The following SLC37A2 variants were observed in gnomAD, a reference collection of about 807,000 sequenced individuals.
The protein encoded by SLC37A2 is glucose-6-phosphate exchanger SLC37A2.
Under a neutral mutation model 70.7 loss-of-function variants are expected in SLC37A2, and 59 were observed. The ratio of observed to expected loss-of-function variants is 0.83; its 90% CI spans 0.68 to 1.04. The LOEUF (loss-of-function observed/expected upper bound fraction) is 1.04, where lower values mean the gene tolerates loss of function less well. Ranked by LOEUF, SLC37A2 falls within the 50% of genes least tolerant of loss-of-function variation. The pLI is 0.00. For missense variants in SLC37A2, 580 were observed against 658.1 expected (o/e 0.88, Z 1.30); for synonymous variants, 257 against 262.1 (o/e 0.98, Z 0.19).
rs777548440 is a variant in SLC37A2, at chr11:125,063,329, C to G, written c.-39C>G. ...CGGGACACGCGCCCAGCTCTGTAGCCTCCTCCGTCGACTCAGCCTTAGGTA... is the reference window on the plus strand; with the variant it reads ...CGGGACACGCGCCCAGCTCTGTAGCGTCCTCCGTCGACTCAGCCTTAGGTA... On this transcript the variant is annotated 5_prime_UTR_variant, in exon 1 of 18. Coordinates refer to ENST00000403796, the MANE Select transcript of SLC37A2 (RefSeq NM_001145290.2). The surrounding 1 kb of genome is among the most constrained non-coding windows in gnomAD (Gnocchi z 5.4). 1.4e-6 allele frequency: 2 copies of G among 1,460,630 alleles called. No homozygotes were observed. Among genetic ancestry groups the G allele is most frequent in the South Asian group, 1.2e-5 (1 of 85,492 alleles). 90.5% of individuals were successfully genotyped at this position (1,460,630 alleles called of 1,614,324 possible). A position where few individuals can be genotyped will look rare whatever the true frequency, so the allele number is the denominator to read the frequency against.
At chr11:125,068,633 A>G (rs1949002814) in intron 1 of SLC37A2, among the ~76,000 whole-genome samples, 1 of 152,210 alleles carries the variant, frequency 6.6e-6, no homozygotes, top group South Asian at 2.1e-4. Context: ...GGAGATTTTG[A>G]AGAAAACTGA....
At chr11:125,076,480 A>G (rs1465253052) in intron 1 of SLC37A2, among the ~76,000 whole-genome samples, 1 of 152,206 alleles carries the variant, frequency 6.6e-6, no homozygotes, top group Admixed American at 6.5e-5. Context: ...AGGTGCTGCC[A>G]GCTGGTCAGA....
rs755079223 is a variant in SLC37A2 at position 125,081,407 on chromosome 11, A to AT, written c.695-5dup. ...GGGTTGGGAAACTTCTTAGAAAGCG[A>AT]TTTTTTTTTCTAGACCCAGAAGATG... On this transcript the variant is annotated splice_polypyrimidine_tract_variant and intron_variant, in intron 7 of 17. Coordinates refer to ENST00000403796, the MANE Select transcript of SLC37A2 (RefSeq NM_001145290.2). 413 of 1,576,204 alleles carry AT rather than the reference A, an allele frequency of 2.6e-4. No individual in the cohort carries two copies. Among genetic ancestry groups the AT allele is most frequent in the Admixed American group, 6.1e-4 (35 of 57,438 alleles).
rs1949210986 is a variant in SLC37A2, at chr11:125,086,030, G to C, written c.1490+12G>C. Reference sequence around the variant, plus strand: ...AGCAGAGGCAGCGGGTGAGTCCGGGGAGCTGAAGCTGCCCCTCTACCAACC... The same window carrying C: ...AGCAGAGGCAGCGGGTGAGTCCGGGCAGCTGAAGCTGCCCCTCTACCAACC... On this transcript the variant is annotated intron_variant, in intron 17 of 17. Transcript: ENST00000403796. 6.2e-7 allele frequency: 1 copy of C among 1,612,036 alleles called. No homozygotes were observed. The highest frequency in any genetic ancestry group is 2.2e-5 in the East Asian group (1 of 44,854).
At chr11:125,078,248 G>A (rs1464699926) in intron 4 of SLC37A2, among the ~76,000 whole-genome samples, 1 of 152,246 alleles carries the variant, frequency 6.6e-6, no homozygotes, top group African/African-American at 2.4e-5. Context: ...GAATGACAGT[G>A]TAAGGAAGGT....
chr11:125,071,089 C>G (rs776779810), intron 1 of SLC37A2, among the ~76,000 whole-genome samples: 39 of 152,286 alleles, frequency 2.6e-4, no homozygotes, highest in Admixed American at 8.5e-4. Context: ...CCCTGAAGCC[C>G]AGGACCTCCT....
chr11:125,075,238 A>T (rs898739100), intron 1 of SLC37A2, among the ~76,000 whole-genome samples: 3 of 152,240 alleles, frequency 2.0e-5, no homozygotes, highest in African/African-American at 7.2e-5. Flanking sequence ...GCAGAAGGCC[A>T]GCTGGGCACC....
Position 125,083,466 on chromosome 11 carries a change from A to T in SLC37A2, c.977-349A>T. The T allele has an allele frequency of 4.0e-6, 1 of 247,190 alleles. No homozygotes were observed. Among genetic ancestry groups the T allele is most frequent in the Non-Finnish European group, 7.9e-6 (1 of 125,876 alleles). The allele number at this position is 247,190 out of a possible 1,614,324, so 15.3% of individuals were successfully genotyped here. Reference sequence around the variant, plus strand: ...CCTAGTGCTGCTAGGGCCGGAGTGAAGCAGAGAAAGGGCTGGGCTGAGCTT... The same window carrying T: ...CCTAGTGCTGCTAGGGCCGGAGTGATGCAGAGAAAGGGCTGGGCTGAGCTT... On this transcript the variant is annotated intron_variant, in intron 10 of 17. Coordinates refer to ENST00000403796, the MANE Select transcript of SLC37A2 (RefSeq NM_001145290.2). This position sits in a 1 kb window ranked among gnomAD's most constrained non-coding sequence, Gnocchi z 4.6.
rs1949261800 is a variant in SLC37A2, at chr11:125,089,579, CTG to C, written c.*1446_*1447del. Reference sequence around the variant, plus strand: ...CCGGGTGGGCATGGGCTTGGCGGGCCTGCACTCGGAGCAGCCGGCCGGCCCTT... The same window carrying C: ...CCGGGTGGGCATGGGCTTGGCGGGCCCACTCGGAGCAGCCGGCCGGCCCTT... On this transcript the variant is annotated 3_prime_UTR_variant, in exon 18 of 18. Transcript: ENST00000403796. The C allele has an allele frequency of 1.3e-5, 2 of 153,088 alleles. No individual in the cohort carries two copies. The highest frequency in any genetic ancestry group is 2.9e-5 in the Non-Finnish European group (2 of 68,760). 9.5% of individuals were successfully genotyped at this position (153,088 alleles called of 1,614,324 possible).
rs1308404716 is a variant in SLC37A2, at chr11:125,090,466, C to T, written c.*2332C>T. On this transcript the variant is annotated 3_prime_UTR_variant, in exon 18 of 18. Coordinates refer to ENST00000403796, the MANE Select transcript of SLC37A2 (RefSeq NM_001145290.2). The stretch of plus-strand genomic sequence containing the variant: ...AGCATTGGCAACTCGCTCGGGTCCC[C>T]TTCCACGCTGTGGGAGCTTTGTTCT... Among the ~76,000 whole-genome samples, 1 of 152,190 alleles carries T rather than the reference C, an allele frequency of 6.6e-6. No individual in the cohort carries two copies. The highest frequency in any genetic ancestry group is 1.5e-5 in the Non-Finnish European group (1 of 68,038).
intron 17 of SLC37A2, 198 bp from the exon 18 acceptor site, chr11:125,087,921 C>T (rs999298948): frequency 1.8e-4 from 103 of 582,544 alleles, no homozygotes; most frequent in Middle Eastern, 7.3e-4. Flanking sequence ...TGTGAGCCAC[C>T]GCGCCCGGCC....
Position 125,080,832 on chromosome 11 carries a change from G to A in SLC37A2, c.694+52G>A. 7.5e-7 allele frequency: 1 copy of A among 1,336,734 alleles called. No individual in the cohort carries two copies. 82.8% of individuals were successfully genotyped at this position (1,336,734 alleles called of 1,614,324 possible). ...GTGAGCCTAGAAGTTCTCGGTTTCT[G>A]GGAGAAGGCAGCTGGATCTACTGGA... On this transcript the variant is annotated intron_variant, in intron 7 of 17. Transcript: ENST00000403796. This position sits in a 1 kb window ranked among gnomAD's most constrained non-coding sequence, Gnocchi z 4.3.
At chr11:125,077,158 A>C in intron 2 of SLC37A2, 72 bp from the exon 3 acceptor site, 1 of 1,178,212 alleles carries the variant, frequency 8.5e-7, no homozygotes, top group Non-Finnish European at 1.2e-6. Context: ...TGTCTCCAGT[A>C]TGGTTGGGGC....
intron 1 of SLC37A2, among the ~76,000 whole-genome samples, chr11:125,073,308 C>T (rs1356028877): frequency 6.6e-6 from 1 of 152,250 alleles, no homozygotes; most frequent in Non-Finnish European, 1.5e-5. Context: ...CCAGGAGCTT[C>T]AGGGCATCCT....
In SLC37A2 at chr11:125,083,918, T is replaced by G. The variant is rs368745920; in HGVS notation, c.1039+41T>G. The G allele has an allele frequency of 5.7e-6, 9 of 1,588,506 alleles. No individual in the cohort carries two copies. The African/African-American group carries it at 1.2e-4, about 21-fold the overall frequency. ...GCTCTGCCAGCAGGCTCCCTTCCCC[T>G]CTTTTCTTGTGGGGTGCAGGAAGAA... On this transcript the variant is annotated intron_variant, in intron 11 of 17. Transcript: ENST00000403796. The surrounding 1 kb of genome is among the most constrained non-coding windows in gnomAD (Gnocchi z 4.6).
chr11:125,076,755 A>G lies in SLC37A2; in HGVS notation c.60-2A>G. ...TAACGCAGATGCTGTCCCTTCCTGC[A>G]GGTTCCGAGGCCTCATCCTGCTGCT... is the stretch of plus-strand genomic sequence containing the variant. On this transcript the variant is annotated splice_acceptor_variant, in intron 1 of 17. Transcript: ENST00000403796. LOFTEE classifies it high-confidence loss of function. 1.9e-6 allele frequency: 3 copies of G among 1,614,132 alleles called. No homozygotes were observed. The highest frequency in any genetic ancestry group is 2.5e-6 in the Non-Finnish European group (3 of 1,180,002).
intron 14 of SLC37A2, 26 bp downstream of exon 14, chr11:125,085,165 C>T: frequency 1.2e-6 from 2 of 1,608,488 alleles, no homozygotes; most frequent in Non-Finnish European, 1.7e-6. Context: ...TCCCGAGGGC[C>T]AGGGACCGTT....
At chr11:125,074,553 G>C (rs1443212368) in intron 1 of SLC37A2, among the ~76,000 whole-genome samples, 1 of 142,410 alleles carries the variant, frequency 7.0e-6, no homozygotes, top group Non-Finnish European at 1.5e-5. Flanking sequence ...AGATAAGGAA[G>C]AACACCTGGG....
intron 4 of SLC37A2, 113 bp downstream of exon 4, chr11:125,077,641 T>C (rs1949103983): frequency 1.3e-6 from 1 of 765,610 alleles, no homozygotes; most frequent in Non-Finnish European, 2.1e-6. Flanking sequence ...GCATGTACAA[T>C]CCACCCACAG....
Sources: gnomAD v4.1 joint callset for allele counts (sites outside exome capture counted in the v4.1 genomes callset) on GRCh38, gnomAD v4.1.1 for gene constraint, Gnocchi (gnomAD v3.1) non-coding constraint, MANE v1.5 for transcripts, NCBI Gene and HGNC (gene_info 2026-07-23, HGNC 2026-07-21) for gene names.